The following PTK2 variants were observed in gnomAD, a reference collection of about 807,000 sequenced individuals.
The protein encoded by PTK2 is protein tyrosine kinase 2.
PTK2 carries 45 observed loss-of-function variants against 150.1 expected under a neutral mutation model. That is an observed-to-expected ratio of 0.30 (90% CI 0.24 to 0.38). The LOEUF is 0.38. Ranked by LOEUF, PTK2 falls within the 10% of genes least tolerant of loss-of-function variation. PTK2 has a pLI of 1.00. For synonymous variants in PTK2, 432 were observed against 449.2 expected, an observed-to-expected ratio of 0.96 and a Z score of 0.48; for missense variants, 919 against 1,307.3, an observed-to-expected ratio of 0.70 and a Z score of 4.58.
intron 1 of PTK2, among the ~76,000 whole-genome samples, chr8:140,984,534 C>T (rs1234374252): frequency 6.6e-6 from 1 of 152,136 alleles, no homozygotes; most frequent in Non-Finnish European, 1.5e-5. Flanking sequence ...TGCACTTAAA[C>T]GCTGAGAAGC....
At chr8:140,879,702 C>CAAAAAAAAAAAAAAAAAAAAAAAAAAAAA (rs2100148007) in intron 3 of PTK2, 65 bp from the exon 4 acceptor site, 4 of 662,688 alleles carry the variant, frequency 6.0e-6, no homozygotes, top group African/African-American at 4.2e-5. Flanking sequence ...AAAAAAAAAA[C>CAAAAAAAAAAAAAAAAAAAAAAAAAAAAA]CAAAACAAAA....
intron 27 of PTK2, among the ~76,000 whole-genome samples, chr8:140,685,997 A>G (rs1034467814): frequency 1.3e-5 from 2 of 152,236 alleles, no homozygotes; most frequent in Admixed American, 6.5e-5. Context: ...ATACCCATCA[A>G]TGATAGACTG....
chr8:140,907,834 A>G (rs1602113005), intron 2 of PTK2, among the ~76,000 whole-genome samples: 2 of 152,204 alleles, frequency 1.3e-5, no homozygotes, highest in Admixed American at 6.5e-5. Flanking sequence ...TAACTGCTCC[A>G]CCAACCCGCT....
intron 1 of PTK2, among the ~76,000 whole-genome samples, chr8:140,989,707 G>A (rs10099423): frequency 0.024 from 3,663 of 151,924 alleles, 157 homozygotes; most frequent in African/African-American, 0.085. Context: ...AGAGGAATTC[G>A]GGACCAACCT....
chr8:140,725,187 G>A (rs1464921752), intron 22 of PTK2, among the ~76,000 whole-genome samples: 1 of 146,444 alleles, frequency 6.8e-6, no homozygotes, highest in East Asian at 2.0e-4. Context: ...AGGCTGGAGT[G>A]CAGTGGCTCG....
intron 23 of PTK2, among the ~76,000 whole-genome samples, chr8:140,716,114 A>T (rs1341292671): frequency 6.6e-6 from 1 of 152,210 alleles, no homozygotes; most frequent in East Asian, 1.9e-4. Flanking sequence ...TAGGGAATAC[A>T]AATAGTCATT....
intron 14 of PTK2, among the ~76,000 whole-genome samples, chr8:140,785,465 C>G (rs1049538349): frequency 6.6e-6 from 1 of 152,180 alleles, no homozygotes; most frequent in African/African-American, 2.4e-5. Flanking sequence ...GTACAGTGCA[C>G]TATAGAGCTC....
chr8:140,963,137 G>T (rs2100183975), intron 1 of PTK2, among the ~76,000 whole-genome samples: 1 of 150,900 alleles, frequency 6.6e-6, no homozygotes, highest in African/African-American at 2.4e-5. Context: ...CTCTAATACA[G>T]CCTATATATG....
intron 1 of PTK2, among the ~76,000 whole-genome samples, chr8:140,931,954 A>AG (rs2100171989): frequency 6.9e-6 from 1 of 144,098 alleles, no homozygotes; most frequent in East Asian, 2.0e-4. Context: ...AAAAAAAAAA[A>AG]GCTGCATTAA....
chr8:140,891,899 A>G (rs2100154381), intron 2 of PTK2, among the ~76,000 whole-genome samples: 1 of 152,164 alleles, frequency 6.6e-6, no homozygotes, highest in South Asian at 2.1e-4. Flanking sequence ...CTGGAGTACA[A>G]TTCCTGCTCA....
At chr8:140,961,251 C>T (rs1366532971) in intron 1 of PTK2, among the ~76,000 whole-genome samples, 1 of 152,188 alleles carries the variant, frequency 6.6e-6, no homozygotes, top group African/African-American at 2.4e-5. Flanking sequence ...TATAGCCACA[C>T]AATTTGTTAT....
chr8:140,842,451 C>A (rs529486487), intron 7 of PTK2, among the ~76,000 whole-genome samples: 94 of 152,004 alleles, frequency 6.2e-4, no homozygotes, highest in Non-Finnish European at 1.3e-3. Flanking sequence ...GTGTTGGGTA[C>A]AAGAGGTATT....
chr8:140,966,109 T>C (rs927923861), intron 1 of PTK2, among the ~76,000 whole-genome samples: 12 of 152,234 alleles, frequency 7.9e-5, no homozygotes, highest in Non-Finnish European at 1.3e-4. Context: ...TCTGACACTC[T>C]TGGAACTGGC....
chr8:140,781,974 T>C (rs1167631339), intron 14 of PTK2, among the ~76,000 whole-genome samples: 1 of 152,104 alleles, frequency 6.6e-6, no homozygotes, highest in Non-Finnish European at 1.5e-5. Context: ...ATTTTGATTG[T>C]TCACTTCCTT....
intron 1 of PTK2, among the ~76,000 whole-genome samples, chr8:140,971,583 A>C (rs1406126496): frequency 1.3e-5 from 2 of 152,224 alleles, no homozygotes; most frequent in African/African-American, 4.8e-5. Flanking sequence ...TTTTCTACAG[A>C]CTTGATGTTT....
intron 1 of PTK2, chr8:140,948,558 G>A (rs2100178465): frequency 6.6e-6 from 1 of 150,638 alleles, no homozygotes; most frequent in Non-Finnish European, 1.5e-5. Flanking sequence ...AGTAATGCAG[G>A]AAGAGATATG....
chr8:140,951,995 T>C (rs1353368236), intron 1 of PTK2, among the ~76,000 whole-genome samples: 1 of 152,172 alleles, frequency 6.6e-6, no homozygotes, highest in Non-Finnish European at 1.5e-5. Context: ...CTTTAGACTT[T>C]CGTTTCCCAG....
chr8:140,763,631 C>T (rs1208159452), intron 15 of PTK2, among the ~76,000 whole-genome samples: 1 of 152,100 alleles, frequency 6.6e-6, no homozygotes, highest in Non-Finnish European at 1.5e-5. Context: ...CTGCACATCA[C>T]AGAGAGAAGC....
intron 7 of PTK2, among the ~76,000 whole-genome samples, chr8:140,834,514 A>C (rs932445860): frequency 1.3e-5 from 2 of 152,198 alleles, no homozygotes; most frequent in African/African-American, 4.8e-5. Flanking sequence ...TCTATGATCT[A>C]TTCACTAAGA....
Sources: allele counts gnomAD v4.1 joint callset (sites outside exome capture counted in the v4.1 genomes callset), GRCh38; gene constraint gnomAD v4.1.1; transcripts MANE v1.5; gene names NCBI Gene and HGNC (gene_info 2026-07-23, HGNC 2026-07-21).